PTPRB: variants seen among roughly 807,000 people sequenced by gnomAD.
PTPRB encodes protein tyrosine phosphatase receptor type B, also known as receptor-type tyrosine-protein phosphatase beta.
Under a neutral mutation model 238.1 loss-of-function variants are expected in PTPRB, and 97 were observed. The ratio of observed to expected loss-of-function variants is 0.41; its 90% CI spans 0.35 to 0.48. The LOEUF is 0.48. Ranked by LOEUF, PTPRB falls within the 20% of genes least tolerant of loss-of-function variation. The pLI is 0.30. For missense variants in PTPRB, 2,292 were observed against 2,681.9 expected, an observed-to-expected ratio of 0.85 and a Z score of 3.21; for synonymous variants, 970 against 995.4, an observed-to-expected ratio of 0.97 and a Z score of 0.48.
At position 70,516,767 on chromosome 12, in the gene PTPRB, A is replaced by G. The variant is rs1044832569; in HGVS notation, c.*4722T>C. On this transcript the variant is annotated 3_prime_UTR_variant, in exon 34 of 34. Transcript: ENST00000334414. ...ATAACTTATTTTGGTGTCTTATATA[A>G]GATCATGTGAATTGGCATAGAGGTT... is the stretch of plus-strand genomic sequence containing the variant. 2.0e-5 allele frequency: 3 copies of G among 152,212 alleles called. No individual in the cohort carries two copies. Among genetic ancestry groups the G allele is most frequent in the African/African-American group, 7.2e-5 (3 of 41,454 alleles). 9.4% of individuals were successfully genotyped at this position (152,212 alleles called of 1,614,324 possible). A position where few individuals can be genotyped will look rare whatever the true frequency, so the allele number is the denominator to read the frequency against.
At position 70,534,872 on chromosome 12, in the gene PTPRB, G is replaced by T; in HGVS notation, c.6165C>A (p.Val2055=). 2 of 1,613,962 alleles carry T rather than the reference G, an allele frequency of 1.2e-6. No individual in the cohort carries two copies. Among genetic ancestry groups the T allele is most frequent in the South Asian group, 1.1e-5 (1 of 91,090 alleles). ...ACTCCCGGATGGTCCACTCAGGCAG[G>T]ACGGACTCTGAGAGCATCTGCAGGA... is the stretch of plus-strand genomic sequence containing the variant. ...DLILQMLSES[V]LPEWTIREFK... is the part of the protein sequence containing the mutation. Residue 2055 remains valine, a synonymous_variant, in exon 30 of 34, where the codon GTC becomes GTA. Transcript: ENST00000334414.
chr12:70,568,374 T>C (rs1363139884), intron 14 of PTPRB, among the ~76,000 whole-genome samples: 1 of 152,278 alleles, frequency 6.6e-6, no homozygotes, highest in Non-Finnish European at 1.5e-5. Context: ...CTCAGCTCAC[T>C]GCAAGCTCCG....
intron 14 of PTPRB, among the ~76,000 whole-genome samples, chr12:70,568,583 T>C (rs1019055491): frequency 2.6e-5 from 4 of 152,120 alleles, no homozygotes; most frequent in African/African-American, 4.8e-5. Context: ...AGGCGTGAGC[T>C]ACCGCGCCTG....
chr12:70,568,013 G>A (rs1406717737), intron 14 of PTPRB, among the ~76,000 whole-genome samples: 1 of 152,028 alleles, frequency 6.6e-6, no homozygotes, highest in African/African-American at 2.4e-5. Context: ...ACTAAAAAAG[G>A]TGTAGGTTCC....
At chr12:70,562,110 A>G (rs907892888) in intron 16 of PTPRB, among the ~76,000 whole-genome samples, 1 of 152,186 alleles carries the variant, frequency 6.6e-6, no homozygotes. Context: ...ATCTCTACAA[A>G]AAATAAAAAT....
intron 15 of PTPRB, 63 bp from the exon 16 acceptor site, chr12:70,563,170 G>A: frequency 1.4e-6 from 2 of 1,447,726 alleles, no homozygotes; most frequent in Non-Finnish European, 1.9e-6. Context: ...GGGAGCAGGT[G>A]GGGAAGAGGG....
At chr12:70,563,361 C>T (rs1878764137) in intron 15 of PTPRB, among the ~76,000 whole-genome samples, 1 of 152,238 alleles carries the variant, frequency 6.6e-6, no homozygotes, top group South Asian at 2.1e-4. Flanking sequence ...ACTGCTGGCA[C>T]AGATGCTGCC....
At chr12:70,589,773 G>A (rs145542823) in intron 8 of PTPRB, among the ~76,000 whole-genome samples, 191 bp downstream of exon 8, 3,288 of 143,944 alleles carry the variant, frequency 0.023, 55 homozygotes, top group Non-Finnish European at 0.035. Context: ...AGTTACTAGT[G>A]GAAGTGATTT....
At chr12:70,626,717 C>T (rs902129264) in intron 2 of PTPRB, among the ~76,000 whole-genome samples, 3 of 152,028 alleles carry the variant, frequency 2.0e-5, no homozygotes, top group Non-Finnish European at 4.4e-5. Context: ...ATTTTGATGT[C>T]TGCAGGAGGT....
In PTPRB at chr12:70,559,374, G is replaced by A. The variant is rs775309429; in HGVS notation, c.4683C>T (p.Tyr1561=). 3.3e-5 allele frequency: 53 copies of A among 1,613,742 alleles called. No homozygotes were observed. The highest frequency in any genetic ancestry group is 4.2e-5 in the Non-Finnish European group (50 of 1,179,762). Residue 1561 remains tyrosine (Y), a synonymous_variant, in exon 18 of 34, where the codon TAC becomes TAT. Transcript: ENST00000334414. The part of the protein sequence containing the change: ...KTVSGDSWKT[Y]SKPIFGSVRT... ...TCACAGATCCAAAAATTGGTTTGCT[G>A]TAAGTTTTCCAGGAATCACCACTGA...
chr12:70,564,594 G>A (rs1367824318), intron 15 of PTPRB, among the ~76,000 whole-genome samples: 5 of 151,982 alleles, frequency 3.3e-5, no homozygotes, highest in Admixed American at 1.3e-4. Context: ...CACTTTGGGA[G>A]GTTGAGGCAG....
At chr12:70,550,341 G>A (rs1876694701) in intron 21 of PTPRB, among the ~76,000 whole-genome samples, 1 of 152,222 alleles carries the variant, frequency 6.6e-6, no homozygotes, top group Non-Finnish European at 1.5e-5. Flanking sequence ...GGAGTAGCAA[G>A]AGAGCAGTGG....
intron 33 of PTPRB, among the ~76,000 whole-genome samples, chr12:70,521,985 T>C (rs1871709746): frequency 6.6e-6 from 1 of 152,186 alleles, no homozygotes; most frequent in African/African-American, 2.4e-5. Context: ...TTAAGGAATC[T>C]CCCATGCAAA....
At chr12:70,561,208 C>T (rs372388108) in intron 16 of PTPRB, among the ~76,000 whole-genome samples, 11 of 152,044 alleles carry the variant, frequency 7.2e-5, no homozygotes, top group South Asian at 6.2e-4. Context: ...ATGAATAAAT[C>T]GTTGTCATTT....
intron 31 of PTPRB, among the ~76,000 whole-genome samples, chr12:70,534,125 A>G (rs1303591035): frequency 6.6e-6 from 1 of 152,208 alleles, no homozygotes; most frequent in Non-Finnish European, 1.5e-5. Flanking sequence ...TTTCCTGGCT[A>G]GAATGTGAAG....
chr12:70,558,330 T>A (rs918608711), intron 18 of PTPRB, among the ~76,000 whole-genome samples: 1 of 152,228 alleles, frequency 6.6e-6, no homozygotes, highest in African/African-American at 2.4e-5. Flanking sequence ...GCTCTTTGGA[T>A]ACAATGTGGC....
chr12:70,562,807 C>A, intron 16 of PTPRB, 37 bp downstream of exon 16: 3 of 1,597,140 alleles, frequency 1.9e-6, no homozygotes, highest in Non-Finnish European at 2.6e-6. Context: ...CGGGACAATT[C>A]CCCCACGATT....
chr12:70,636,657 A>C (rs1885709612), intron 1 of PTPRB, among the ~76,000 whole-genome samples: 1 of 152,242 alleles, frequency 6.6e-6, no homozygotes, highest in South Asian at 2.1e-4. Context: ...AGCCAATGAA[A>C]GTATTGATTA....
At chr12:70,573,500 CTTTTCTT>C (rs775824240) in intron 11 of PTPRB, among the ~76,000 whole-genome samples, 1 of 121,976 alleles carries the variant, frequency 8.2e-6, no homozygotes, top group Non-Finnish European at 1.7e-5. Flanking sequence ...TTTTTCTTTT[CTTTTCTT>C]TTTTTTTTTT....
Sources: gnomAD v4.1 joint callset for allele counts (sites outside exome capture counted in the v4.1 genomes callset) on GRCh38, gnomAD v4.1.1 for gene constraint, MANE v1.5 for transcripts, NCBI Gene and HGNC (gene_info 2026-07-23, HGNC 2026-07-21) for gene names.